The following DLG2 variants were observed in gnomAD, a reference collection of about 807,000 sequenced individuals.
DLG2 encodes the protein disks large homolog 2.
Under a neutral mutation model 132.5 loss-of-function variants are expected in DLG2, and 45 were observed. The observed-to-expected ratio is 0.34, with a 90% confidence interval of 0.27 to 0.44. The LOEUF is 0.44. Ranked by LOEUF, DLG2 falls within the 20% of genes least tolerant of loss-of-function variation. The probability of loss-of-function intolerance (pLI) is 1.00; values close to 1 mark genes in which losing one functional copy is unlikely to be tolerated. For synonymous variants in DLG2, 424 were observed against 419.6 expected (o/e 1.01, Z -0.13); for missense variants, 1,045 against 1,196.9 (o/e 0.87, Z 1.87).
At chr11:84,683,772 T>G (rs1200470120) in intron 6 of DLG2, among the ~76,000 whole-genome samples, 1 of 152,160 alleles carries the variant, frequency 6.6e-6, no homozygotes, top group Non-Finnish European at 1.5e-5. Context: ...AGAAGCAATT[T>G]CATTGTGAAA....
chr11:84,315,401 T>A (rs2098343138), intron 7 of DLG2, among the ~76,000 whole-genome samples: 1 of 152,186 alleles, frequency 6.6e-6, no homozygotes. Flanking sequence ...CTTTCTCTGC[T>A]CTGTGCAACA....
At chr11:85,130,537 T>G (rs1043910020) in intron 5 of DLG2, among the ~76,000 whole-genome samples, 3 of 152,208 alleles carry the variant, frequency 2.0e-5, no homozygotes, top group African/African-American at 7.2e-5. Context: ...AGCGGTCAGC[T>G]GTGGTATCGA....
chr11:84,521,002 G>A (rs906111824), intron 7 of DLG2, among the ~76,000 whole-genome samples: 1 of 152,160 alleles, frequency 6.6e-6, no homozygotes, highest in African/African-American at 2.4e-5. Flanking sequence ...GCATTGCTAC[G>A]ATGTACATTA....
intron 8 of DLG2, among the ~76,000 whole-genome samples, chr11:84,231,674 T>C (rs181886795): frequency 6.6e-6 from 1 of 152,298 alleles, no homozygotes; most frequent in Admixed American, 6.5e-5. Context: ...TGAAATATCA[T>C]ACTAGTGAGT....
chr11:85,403,225 A>G (rs571284876), intron 3 of DLG2, among the ~76,000 whole-genome samples: 12 of 152,292 alleles, frequency 7.9e-5, no homozygotes, highest in Admixed American at 6.5e-4. Flanking sequence ...CATCATTCTA[A>G]GCAAACTATC....
chr11:85,173,242 C>G (rs1422686875), intron 4 of DLG2, among the ~76,000 whole-genome samples: 3 of 152,148 alleles, frequency 2.0e-5, no homozygotes, highest in Admixed American at 6.5e-5. Flanking sequence ...AGGTGACTAA[C>G]AAAGAGAAGC....
At chr11:83,530,029 C>T (rs1333601195) in intron 21 of DLG2, among the ~76,000 whole-genome samples, 3 of 152,074 alleles carry the variant, frequency 2.0e-5, no homozygotes, top group Non-Finnish European at 2.9e-5. Context: ...AGTCCTGTTT[C>T]TGGCACATGG....
intron 7 of DLG2, among the ~76,000 whole-genome samples, chr11:84,278,047 G>GTTT (rs55650627): frequency 0.039 from 3,865 of 99,472 alleles, 189 homozygotes; most frequent in South Asian, 0.057. Flanking sequence ...GCCTGGCTAA[G>GTTT]TTTTTTTTTT....
In DLG2 at chr11:83,459,560, G is replaced by T. The variant is rs543051691; in HGVS notation, c.*258C>A. 1.7e-5 allele frequency: 5 copies of T among 296,468 alleles called. No homozygotes were observed. Among genetic ancestry groups the T allele is most frequent in the African/African-American group, 6.4e-5 (3 of 46,532 alleles). The allele number at this position is 296,468 out of a possible 1,614,324, so 18.4% of individuals were successfully genotyped here. A position where few individuals can be genotyped will look rare whatever the true frequency, so the allele number is the denominator to read the frequency against. ...ATCTCATCTCTTGGGCAGAAAGCCC[G>T]TCAGAGGTTCATCCCTACACCTGGC... On this transcript the variant is annotated 3_prime_UTR_variant, in exon 28 of 28. Coordinates refer to ENST00000376104, the MANE Select transcript of DLG2 (RefSeq NM_001142699.3).
chr11:84,433,705 T>C (rs2098991704), intron 7 of DLG2, among the ~76,000 whole-genome samples: 1 of 152,240 alleles, frequency 6.6e-6, no homozygotes, highest in Non-Finnish European at 1.5e-5. Context: ...CATGTACAAT[T>C]GCCAGGCATT....
chr11:83,917,990 C>T (rs1218405210), intron 15 of DLG2, among the ~76,000 whole-genome samples: 1 of 152,042 alleles, frequency 6.6e-6, no homozygotes, highest in Non-Finnish European at 1.5e-5. Context: ...TTTGCAAGTC[C>T]CCTTAGTAGC....
intron 7 of DLG2, among the ~76,000 whole-genome samples, chr11:84,300,665 T>G (rs1028453670): frequency 6.6e-6 from 1 of 152,238 alleles, no homozygotes; most frequent in East Asian, 1.9e-4. Flanking sequence ...GCAGGTATTA[T>G]AGAAGACATC....
chr11:85,050,926 C>T (rs1423681240), intron 6 of DLG2, among the ~76,000 whole-genome samples: 5 of 151,944 alleles, frequency 3.3e-5, no homozygotes, highest in Admixed American at 2.6e-4. Flanking sequence ...TTCCCTTTTT[C>T]GTCTAGCTGG....
At chr11:84,364,294 T>G (rs562164437) in intron 7 of DLG2, among the ~76,000 whole-genome samples, 1 of 152,292 alleles carries the variant, frequency 6.6e-6, no homozygotes, top group South Asian at 2.1e-4. Flanking sequence ...AGTTCACTCA[T>G]GATTTGGCTC....
chr11:84,970,019 G>T (rs1227263376), intron 6 of DLG2, among the ~76,000 whole-genome samples: 1 of 152,070 alleles, frequency 6.6e-6, no homozygotes. Context: ...GCCTTTTGTG[G>T]GGTGGGGGGC....
intron 18 of DLG2, among the ~76,000 whole-genome samples, chr11:83,712,653 C>T (rs2085725015): frequency 6.6e-6 from 1 of 152,062 alleles, no homozygotes; most frequent in South Asian, 2.1e-4. Flanking sequence ...AAGATTCTGT[C>T]CTTTGCAGGG....
chr11:83,733,240 CAAAAAAA>C (rs71066061), intron 18 of DLG2, among the ~76,000 whole-genome samples: 7 of 46,250 alleles, frequency 1.5e-4, no homozygotes, highest in Admixed American at 2.6e-4. Context: ...GACCCCATCT[CAAAAAAA>C]AAAAAAAAAA....
chr11:84,600,212 G>GAAAGA (rs1555083042), intron 6 of DLG2, among the ~76,000 whole-genome samples: 3 of 137,224 alleles, frequency 2.2e-5, no homozygotes, highest in Non-Finnish European at 4.6e-5. Context: ...AAGAAAGAAA[G>GAAAGA]AAAGAAAGAA....
intron 15 of DLG2, among the ~76,000 whole-genome samples, chr11:83,893,745 C>T (rs74731962): frequency 0.025 from 3,837 of 152,212 alleles, 175 homozygotes; most frequent in African/African-American, 0.087. Context: ...TCTTTAATGC[C>T]ATGATTCCAG....
Sources: gnomAD v4.1 joint callset for allele counts (sites outside exome capture counted in the v4.1 genomes callset) on GRCh38, gnomAD v4.1.1 for gene constraint, MANE v1.5 for transcripts, NCBI Gene and HGNC (gene_info 2026-07-23, HGNC 2026-07-21) for gene names.